Variants in MPDZ observed in about 807,000 individuals in gnomAD.
MPDZ encodes the protein multiple PDZ domain crumbs cell polarity complex component.
Under a neutral mutation model 239.1 loss-of-function variants are expected in MPDZ, and 234 were observed. The ratio of observed to expected loss-of-function variants is 0.98; its 90% CI spans 0.88 to 1.09. The LOEUF (loss-of-function observed/expected upper bound fraction) is 1.09, where lower values mean the gene tolerates loss of function less well. MPDZ is among the 50% of genes least tolerant of loss of function. MPDZ has a pLI of 0.00. For synonymous variants in MPDZ, 1,048 were observed against 881.3 expected (o/e 1.19, Z -3.35); for missense variants, 3,175 against 2,510.0 (o/e 1.26, Z -5.66).
At chr9:13,181,829 G>T (rs1048107298) in intron 19 of MPDZ, among the ~76,000 whole-genome samples, 7 of 152,140 alleles carry the variant, frequency 4.6e-5, no homozygotes, top group African/African-American at 1.7e-4. Flanking sequence ...GAAGACGTGT[G>T]CTATGCTGTG....
chr9:13,221,549 C>A (rs1564066744), intron 6 of MPDZ, 49 bp from the exon 7 acceptor site: 1 of 1,576,108 alleles, frequency 6.3e-7, no homozygotes, highest in African/African-American at 1.4e-5. Context: ...CAAAGCACTA[C>A]CATTTTACAT....
chr9:13,129,368 C>T (rs540858617), intron 32 of MPDZ, among the ~76,000 whole-genome samples: 8 of 151,094 alleles, frequency 5.3e-5, no homozygotes, highest in Non-Finnish European at 1.2e-4. Flanking sequence ...GAGGCTGATG[C>T]AGGAGAATCG....
intron 10 of MPDZ, among the ~76,000 whole-genome samples, chr9:13,214,911 G>A (rs1958102927): frequency 6.6e-6 from 1 of 151,906 alleles, no homozygotes; most frequent in Admixed American, 6.6e-5. Context: ...AACCCAAGAA[G>A]ACTCACGGAG....
chr9:13,133,722 T>C, intron 32 of MPDZ, 102 bp downstream of exon 32: 3 of 739,368 alleles, frequency 4.1e-6, no homozygotes, highest in South Asian at 2.0e-5. Context: ...CAGATGATGC[T>C]GATGCTGTTA....
intron 10 of MPDZ, among the ~76,000 whole-genome samples, chr9:13,211,773 A>C (rs1340918328): frequency 1.3e-5 from 2 of 152,078 alleles, no homozygotes; most frequent in African/African-American, 4.8e-5. Flanking sequence ...TTTAAGTAAA[A>C]TAAAAAGGTA....
At chr9:13,115,774 T>C (rs533179670) in intron 39 of MPDZ, among the ~76,000 whole-genome samples, 1 of 151,512 alleles carries the variant, frequency 6.6e-6, no homozygotes, top group East Asian at 1.9e-4. Context: ...TGAAACCCTG[T>C]CTCTACTAAA....
rs1945175189 is a variant in MPDZ, at chr9:13,126,691, C to T, written c.4546G>A (p.Val1516Ile). ...VIIKSLTEHGVAATDGRLKVG... is the reference protein window; with the variant it reads ...VIIKSLTEHGIAATDGRLKVG... ...AAGGTAAACCTCACCGTGGCTGCTA[C>T]CCCATGCTCTGTTAAGCTCTTTATG... is the stretch of plus-strand genomic sequence containing the variant. The change falls in exon 33 of 47, where the codon GTA (valine) becomes ATA (isoleucine). Residue 1516 changes from valine (V) to isoleucine (I), a missense_variant. Physicochemically the swap from Val to Ile is conservative, Grantham distance 29. Coordinates refer to ENST00000319217, the MANE Select transcript of MPDZ (RefSeq NM_001378778.1). The T allele has an allele frequency of 6.2e-7, 1 of 1,613,586 alleles. No homozygotes were observed. Among genetic ancestry groups the T allele is most frequent in the African/African-American group, 1.3e-5 (1 of 74,908 alleles).
At chr9:13,136,043 C>T in intron 31 of MPDZ, 49 bp downstream of exon 31, 1 of 1,200,838 alleles carries the variant, frequency 8.3e-7, no homozygotes, top group South Asian at 1.3e-5. Flanking sequence ...ATTAATAAGG[C>T]TCACATCAAT....
intron 27 of MPDZ, among the ~76,000 whole-genome samples, chr9:13,142,993 A>G (rs565716673): frequency 6.6e-6 from 1 of 152,266 alleles, no homozygotes; most frequent in African/African-American, 2.4e-5. Flanking sequence ...TTACATGGGC[A>G]TGCTTCATGA....
At chr9:13,249,007 A>AAAAAAAAAAAAAAAAAAAAAAAC (rs1345543094) in intron 2 of MPDZ, among the ~76,000 whole-genome samples, 1 of 127,748 alleles carries the variant, frequency 7.8e-6, no homozygotes, top group Non-Finnish European at 1.6e-5. Context: ...AAAAAAAAAA[A>AAAAAAAAAAAAAAAAAAAAAAAC]AATTGGAATC....
intron 23 of MPDZ, among the ~76,000 whole-genome samples, chr9:13,159,810 A>G (rs1950251743): frequency 6.6e-6 from 1 of 152,042 alleles, no homozygotes; most frequent in African/African-American, 2.4e-5. Flanking sequence ...CGCAAACCCC[A>G]TATATGCTCC....
intron 9 of MPDZ, 148 bp downstream of exon 9, chr9:13,217,032 G>C (rs1282073375): frequency 7.8e-6 from 6 of 773,932 alleles, no homozygotes; most frequent in Non-Finnish European, 1.0e-5. Flanking sequence ...TACAATATAA[G>C]AGTCACCTAC....
In MPDZ at chr9:13,136,760, G is replaced by T. The variant is rs1337769144; in HGVS notation, c.4244C>A (p.Ser1415Ter). 1.9e-6 allele frequency: 3 copies of T among 1,603,312 alleles called. No homozygotes were observed. Among genetic ancestry groups the T allele is most frequent in the Admixed American group, 1.7e-5 (1 of 59,136 alleles). The part of the protein sequence containing the change: ...ILYGRSHQNA[S>*]SIIKCAPSKV... ...AGAAGGGGCACATTTAATGATTGAT[G>T]AGGCATTCTGATGACTTCTTCCATA... Residue 1415 changes from serine to a stop codon, truncating the protein, a stop_gained, in exon 30 of 47, where the codon TCA becomes TAA. Transcript: ENST00000319217. LOFTEE classifies it high-confidence loss of function.
chr9:13,236,223 GTGTATATGTATA>G (rs1411823574), intron 3 of MPDZ, among the ~76,000 whole-genome samples: 1 of 94,396 alleles, frequency 1.1e-5, no homozygotes, highest in African/African-American at 3.9e-5. Context: ...GTGTGTGTGT[GTGTATATGTATA>G]TGTGTGTGTG....
chr9:13,249,420 T>C (rs1967295497), intron 2 of MPDZ, among the ~76,000 whole-genome samples: 1 of 152,102 alleles, frequency 6.6e-6, no homozygotes, highest in Non-Finnish European at 1.5e-5. Context: ...GGGTTTAGTA[T>C]AAAATGGGAA....
At chr9:13,161,625 C>G (rs565635687) in intron 23 of MPDZ, among the ~76,000 whole-genome samples, 1 of 152,134 alleles carries the variant, frequency 6.6e-6, no homozygotes, top group East Asian at 1.9e-4. Context: ...AGAGTGCTTG[C>G]AAGGCCATTT....
chr9:13,141,607 T>TA (rs1269091848), intron 27 of MPDZ, among the ~76,000 whole-genome samples: 2 of 152,172 alleles, frequency 1.3e-5, no homozygotes, highest in East Asian at 1.9e-4. Context: ...TGATTTTTTT[T>TA]AAAAAACTGA....
intron 12 of MPDZ, among the ~76,000 whole-genome samples, chr9:13,200,776 A>C (rs2135465052): frequency 6.6e-6 from 1 of 152,164 alleles, no homozygotes; most frequent in Middle Eastern, 3.4e-3. Flanking sequence ...CAGAAAAGAT[A>C]CTTGATATGA....
chr9:13,247,288 G>A (rs964735534), intron 3 of MPDZ, among the ~76,000 whole-genome samples: 1 of 152,132 alleles, frequency 6.6e-6, no homozygotes, highest in Non-Finnish European at 1.5e-5. Flanking sequence ...GAATCTGAAT[G>A]AGCAAGATCA....
Sources: allele counts gnomAD v4.1 joint callset (sites outside exome capture counted in the v4.1 genomes callset), GRCh38; gene constraint gnomAD v4.1.1; transcripts MANE v1.5; gene names NCBI Gene and HGNC (gene_info 2026-07-23, HGNC 2026-07-21).